TTLL5: variants seen among roughly 807,000 people sequenced by gnomAD.
TTLL5 encodes the protein tubulin tyrosine ligase like 5, also known as tubulin polyglutamylase TTLL5.
In TTLL5, 132 loss-of-function variants were observed where a neutral mutation model predicts 168.4. The ratio of observed to expected loss-of-function variants is 0.78; its 90% CI spans 0.68 to 0.91. The LOEUF is 0.91. Among genes scored for constraint, TTLL5 ranks in the 40% least tolerant of loss-of-function variants. TTLL5 has a pLI of 0.00. For missense variants in TTLL5, 1,545 were observed against 1,581.5 expected, an observed-to-expected ratio of 0.98 and a Z score of 0.39; for synonymous variants, 546 against 558.6, an observed-to-expected ratio of 0.98 and a Z score of 0.32.
At chr14:75,752,780 A>T in intron 17 of TTLL5, 113 bp from the exon 18 acceptor site, 1 of 877,830 alleles carries the variant, frequency 1.1e-6, no homozygotes, top group Non-Finnish European at 1.7e-6. Flanking sequence ...ATGTTTCATT[A>T]AAAACAGTAT....
At chr14:75,679,614 CACTATTCATT>C (rs1195733935) in intron 3 of TTLL5, among the ~76,000 whole-genome samples, 1 of 152,252 alleles carries the variant, frequency 6.6e-6, no homozygotes, top group Admixed American at 6.5e-5. Flanking sequence ...CTATCTCTAT[CACTATTCATT>C]TTTGCATTCA....
At chr14:75,753,082 A>G in intron 18 of TTLL5, 127 bp downstream of exon 18, 1 of 820,542 alleles carries the variant, frequency 1.2e-6, no homozygotes, top group Non-Finnish European at 1.9e-6. Flanking sequence ...AAAGTCCTGT[A>G]GAAAGCATGC....
chr14:75,951,287 G>A (rs942599070), intron 31 of TTLL5, among the ~76,000 whole-genome samples: 2 of 150,724 alleles, frequency 1.3e-5, no homozygotes, highest in Admixed American at 6.6e-5. Flanking sequence ...GGTTGGGGCT[G>A]CAAGTAAGCC....
At chr14:75,718,071 C>T (rs138847681) in intron 10 of TTLL5, 109 bp downstream of exon 10, 34 of 872,944 alleles carry the variant, frequency 3.9e-5, no homozygotes, top group Middle Eastern at 4.9e-4. Context: ...CATTAATGTC[C>T]ATGTACCATT....
At chr14:75,697,873 G>A (rs1344995247) in intron 6 of TTLL5, among the ~76,000 whole-genome samples, 4 of 152,096 alleles carry the variant, frequency 2.6e-5, no homozygotes, top group Non-Finnish European at 4.4e-5. Context: ...TGATATCTTG[G>A]CGCACAGCAA....
chr14:75,951,401 C>T (rs1177391915), intron 31 of TTLL5, among the ~76,000 whole-genome samples: 2 of 152,048 alleles, frequency 1.3e-5, no homozygotes, highest in South Asian at 4.1e-4. Context: ...AAGTACATGT[C>T]TAAATACAAT....
chr14:75,872,159 C>T (rs1432705132), intron 29 of TTLL5, among the ~76,000 whole-genome samples: 3 of 152,218 alleles, frequency 2.0e-5, no homozygotes, highest in Non-Finnish European at 4.4e-5. Flanking sequence ...CATACTCACA[C>T]TTTCACTTTA....
At chr14:75,761,565 A>G (rs1025903309) in intron 18 of TTLL5, among the ~76,000 whole-genome samples, 2 of 152,216 alleles carry the variant, frequency 1.3e-5, no homozygotes, top group Non-Finnish European at 2.9e-5. Flanking sequence ...ATGCTGAGTG[A>G]AAGAAGCCTT....
intron 28 of TTLL5, among the ~76,000 whole-genome samples, chr14:75,853,547 A>G (rs1457728821): frequency 2.6e-5 from 4 of 152,254 alleles, no homozygotes; most frequent in Non-Finnish European, 5.9e-5. Context: ...GAAATGAAAT[A>G]ACTGCTTAGG....
intron 31 of TTLL5, among the ~76,000 whole-genome samples, chr14:75,925,547 G>C (rs998244154): frequency 1.3e-5 from 2 of 151,238 alleles, no homozygotes; most frequent in African/African-American, 4.9e-5. Context: ...GCTGGGCAGA[G>C]ACGCTCCTCA....
intron 24 of TTLL5, among the ~76,000 whole-genome samples, chr14:75,779,905 C>A (rs1214633908): frequency 6.6e-6 from 1 of 151,808 alleles, no homozygotes; most frequent in Non-Finnish European, 1.5e-5. Flanking sequence ...GATTTTTTTT[C>A]AAGATAATTA....
chr14:75,855,161 A>G (rs1489092932), intron 28 of TTLL5, among the ~76,000 whole-genome samples: 4 of 151,558 alleles, frequency 2.6e-5, no homozygotes, highest in African/African-American at 9.7e-5. Flanking sequence ...AAAAAAAAAA[A>G]AAAAAGAAAT....
At chr14:75,676,469 A>G (rs984517987) in intron 3 of TTLL5, among the ~76,000 whole-genome samples, 1 of 152,226 alleles carries the variant, frequency 6.6e-6, no homozygotes, top group Non-Finnish European at 1.5e-5. Flanking sequence ...TCTAAAATAT[A>G]CTACCCACCA....
chr14:75,752,611 A>G (rs1171786284), intron 17 of TTLL5, among the ~76,000 whole-genome samples: 1 of 152,028 alleles, frequency 6.6e-6, no homozygotes, highest in Non-Finnish European at 1.5e-5. Flanking sequence ...TGAATTTAGT[A>G]TATTACCTAT....
intron 18 of TTLL5, among the ~76,000 whole-genome samples, chr14:75,756,511 CTTTTTTT>C (rs34387037): frequency 6.9e-6 from 1 of 144,540 alleles, no homozygotes; most frequent in Admixed American, 6.9e-5. Flanking sequence ...AAACTGGGGA[CTTTTTTT>C]TTTTTTTGAG....
intron 31 of TTLL5, among the ~76,000 whole-genome samples, chr14:75,916,636 C>G (rs2033625098): frequency 6.6e-6 from 1 of 151,556 alleles, no homozygotes; most frequent in Admixed American, 6.6e-5. Flanking sequence ...GACTCTGTCT[C>G]AAAAAAACAA....
At chr14:75,722,106 T>C (rs1457560067) in intron 12 of TTLL5, among the ~76,000 whole-genome samples, 1 of 152,170 alleles carries the variant, frequency 6.6e-6, no homozygotes, top group Non-Finnish European at 1.5e-5. Context: ...AGCTGTACTA[T>C]AGTATACTTC....
At chr14:75,891,950 G>A (rs117195030) in intron 30 of TTLL5, among the ~76,000 whole-genome samples, 1,883 of 152,256 alleles carry the variant, frequency 0.012, 15 homozygotes, top group South Asian at 0.025. Context: ...AATGTCTGCT[G>A]GTCAGCGTAG....
chr14:75,705,301 T>C (rs71431103), intron 7 of TTLL5, among the ~76,000 whole-genome samples: 23 of 152,370 alleles, frequency 1.5e-4, no homozygotes, highest in Admixed American at 5.2e-4. Flanking sequence ...ACTCTCATTC[T>C]GACTTCAGAG....
Sources: gnomAD v4.1 joint callset for allele counts (sites outside exome capture counted in the v4.1 genomes callset) on GRCh38, gnomAD v4.1.1 for gene constraint, MANE v1.5 for transcripts, NCBI Gene and HGNC (gene_info 2026-07-23, HGNC 2026-07-21) for gene names.